TMEM132D: variants seen among roughly 807,000 people sequenced by gnomAD.
The protein encoded by TMEM132D is mature OL transmembrane protein.
In TMEM132D, 21 loss-of-function variants were observed where a neutral mutation model predicts 62.3. The ratio of observed to expected loss-of-function variants is 0.34; its 90% CI spans 0.24 to 0.49. TMEM132D has a LOEUF of 0.49. Among genes scored for constraint, TMEM132D ranks in the 20% least tolerant of loss-of-function variants. The pLI, the probability that TMEM132D is intolerant of heterozygous loss-of-function variation, is 0.99. For missense variants in TMEM132D, 1,346 were observed against 1,402.8 expected, an observed-to-expected ratio of 0.96 and a Z score of 0.65; for synonymous variants, 621 against 575.6, an observed-to-expected ratio of 1.08 and a Z score of -1.13.
chr12:129,241,076 T>C (rs1480781150), intron 4 of TMEM132D, among the ~76,000 whole-genome samples: 3 of 148,566 alleles, frequency 2.0e-5, no homozygotes, highest in Admixed American at 6.8e-5. Context: ...TTTCCAACTC[T>C]AAATCTTATT....
intron 1 of TMEM132D, among the ~76,000 whole-genome samples, chr12:129,836,440 G>T (rs1231851225): frequency 6.6e-6 from 1 of 151,964 alleles, no homozygotes; most frequent in Non-Finnish European, 1.5e-5. Flanking sequence ...ATTGGTATTT[G>T]TTAACTAAAT....
At chr12:129,190,530 G>T (rs1878364088) in intron 5 of TMEM132D, among the ~76,000 whole-genome samples, 1 of 67,596 alleles carries the variant, frequency 1.5e-5, no homozygotes, top group Non-Finnish European at 3.3e-5. Context: ...TGGAGGGAGG[G>T]GTCTCGGCCT....
chr12:129,130,112 G>T (rs1316676793), intron 5 of TMEM132D, among the ~76,000 whole-genome samples: 1 of 150,200 alleles, frequency 6.7e-6, no homozygotes, highest in Non-Finnish European at 1.5e-5. Context: ...GACCACTGGG[G>T]TGTTCACTGT....
chr12:129,438,701 C>G (rs777549050), intron 3 of TMEM132D, among the ~76,000 whole-genome samples: 4 of 152,080 alleles, frequency 2.6e-5, no homozygotes, highest in Non-Finnish European at 4.4e-5. Flanking sequence ...CCTGTATAAG[C>G]GACTGCATCA....
chr12:129,659,725 G>A (rs969827285), intron 2 of TMEM132D, among the ~76,000 whole-genome samples: 1 of 152,142 alleles, frequency 6.6e-6, no homozygotes, highest in Admixed American at 6.6e-5. Flanking sequence ...ATGACACAGT[G>A]TGATATATTT....
At chr12:129,188,359 T>C (rs1000518302) in intron 5 of TMEM132D, among the ~76,000 whole-genome samples, 5 of 152,184 alleles carry the variant, frequency 3.3e-5, no homozygotes, top group Non-Finnish European at 7.3e-5. Context: ...ACTTCCTGGA[T>C]TGGCCAATAC....
rs181489225 is a variant in TMEM132D at position 129,513,516 on chromosome 12, A to G, written c.1115+17543T>C. ...TTGTTTGTTTTTGAGACAGAGTCTC[A>G]CTCTGTCGCCCGGGCTGGAGTGCAG... On this transcript the variant is annotated intron_variant, in intron 3 of 8. Coordinates refer to ENST00000422113, the MANE Select transcript of TMEM132D (RefSeq NM_133448.3). Among the ~76,000 whole-genome samples the G allele has an allele frequency of 3.6e-3, 543 of 151,770 alleles. 4 individuals carry two copies. Among genetic ancestry groups the G allele is most frequent in the Admixed American group, 4.7e-3 (71 of 15,250 alleles).
intron 5 of TMEM132D, among the ~76,000 whole-genome samples, chr12:129,174,433 A>T (rs115994036): frequency 0.012 from 1,896 of 152,314 alleles, 49 homozygotes; most frequent in African/African-American, 0.043. Context: ...GTTGTGTATT[A>T]TTCCATGGTG....
At chr12:129,417,438 A>G (rs1872160721) in intron 3 of TMEM132D, among the ~76,000 whole-genome samples, 1 of 152,192 alleles carries the variant, frequency 6.6e-6, no homozygotes, top group Non-Finnish European at 1.5e-5. Context: ...TGACAAAAAC[A>G]AGCAATGGGG....
intron 2 of TMEM132D, among the ~76,000 whole-genome samples, chr12:129,553,756 G>T (rs116148930): frequency 6.6e-6 from 1 of 152,132 alleles, no homozygotes; most frequent in African/African-American, 2.4e-5. Flanking sequence ...CGTCTATTCC[G>T]CAGTCCTCTT....
At chr12:129,460,492 G>C (rs1873629516) in intron 3 of TMEM132D, among the ~76,000 whole-genome samples, 1 of 152,148 alleles carries the variant, frequency 6.6e-6, no homozygotes, top group South Asian at 2.1e-4. Context: ...TTGTGATGAT[G>C]GGCTTGTTAC....
chr12:129,903,550 G>C lies in TMEM132D; in HGVS notation c.-211C>G. 2 of 581,198 alleles carry C rather than the reference G, an allele frequency of 3.4e-6. No individual in the cohort carries two copies. Among genetic ancestry groups the C allele is most frequent in the Non-Finnish European group, 3.1e-6 (1 of 325,850 alleles). 36.0% of individuals were successfully genotyped at this position (581,198 alleles called of 1,614,324 possible). A position where few individuals can be genotyped will look rare whatever the true frequency, so the allele number is the denominator to read the frequency against. ...CGCGCGGGCTCCTGAGTTGCTCTCCGGAGTCCAACACGCGCGCAGGCAAAC... is the reference window on the plus strand; with the variant it reads ...CGCGCGGGCTCCTGAGTTGCTCTCCCGAGTCCAACACGCGCGCAGGCAAAC... On this transcript the variant is annotated 5_prime_UTR_variant, in exon 1 of 9. Coordinates refer to ENST00000422113, the MANE Select transcript of TMEM132D (RefSeq NM_133448.3). This position sits in a 1 kb window ranked among gnomAD's most constrained non-coding sequence, Gnocchi z 6.2.
At chr12:129,878,443 G>A (rs563924127) in intron 1 of TMEM132D, among the ~76,000 whole-genome samples, 64 of 152,274 alleles carry the variant, frequency 4.2e-4, no homozygotes, top group Non-Finnish European at 8.7e-4. Flanking sequence ...ACATCCCAAG[G>A]CTCCATGTCG....
chr12:129,414,433 C>T (rs963372088), intron 3 of TMEM132D, among the ~76,000 whole-genome samples: 47 of 152,264 alleles, frequency 3.1e-4, no homozygotes, highest in Admixed American at 9.8e-4. Context: ...GACACAGAGG[C>T]CATTTCCCCC....
intron 1 of TMEM132D, among the ~76,000 whole-genome samples, chr12:129,828,577 G>C (rs972738526): frequency 1.3e-5 from 2 of 148,458 alleles, no homozygotes; most frequent in Non-Finnish European, 3.0e-5. Flanking sequence ...TGGGAGATAT[G>C]GTTGGTTGGC....
intron 2 of TMEM132D, among the ~76,000 whole-genome samples, chr12:129,547,896 C>T (rs12321807): frequency 0.035 from 5,303 of 152,216 alleles, 336 homozygotes; most frequent in African/African-American, 0.12. Flanking sequence ...AGCTAGTGGG[C>T]GGCCGACTCC....
At chr12:129,361,002 C>A (rs1176549643) in intron 3 of TMEM132D, among the ~76,000 whole-genome samples, 3 of 152,136 alleles carry the variant, frequency 2.0e-5, no homozygotes, top group Non-Finnish European at 4.4e-5. Flanking sequence ...ACGCAGCTTC[C>A]TGTGTTCACG....
At chr12:129,158,978 C>A (rs1877321698) in intron 5 of TMEM132D, among the ~76,000 whole-genome samples, 1 of 152,142 alleles carries the variant, frequency 6.6e-6, no homozygotes, top group Non-Finnish European at 1.5e-5. Context: ...AAAACTCCTG[C>A]ACTATCACAA....
Position 129,747,918 on chromosome 12 carries a change from GTTC to G in TMEM132D, c.80-47223_80-47221del, listed in dbSNP as rs376706377. Reference sequence around the variant, plus strand: ...ACAGCTGAACTCATCTCCCTGCTTTGTTCTTCTTTCTAGCACTCATCACCGCGG... The same window carrying G: ...ACAGCTGAACTCATCTCCCTGCTTTGTTCTTTCTAGCACTCATCACCGCGG... On this transcript the variant is annotated intron_variant, in intron 1 of 8. Transcript: ENST00000422113. Among the ~76,000 whole-genome samples, 229 of 152,214 alleles carry G rather than the reference GTTC, an allele frequency of 1.5e-3. 1 individual carries two copies. The highest frequency in any genetic ancestry group is 5.1e-3 in the African/African-American group (211 of 41,546).
Sources: allele counts gnomAD v4.1 joint callset (sites outside exome capture counted in the v4.1 genomes callset), GRCh38; gene constraint gnomAD v4.1.1; non-coding constraint Gnocchi (gnomAD v3.1); transcripts MANE v1.5; gene names NCBI Gene and HGNC (gene_info 2026-07-23, HGNC 2026-07-21).